RAPGEF6: variants seen among roughly 807,000 people sequenced by gnomAD.
The protein encoded by RAPGEF6 is PDZ domain containing guanine nucleotide exchange factor (GEF) 2.
In RAPGEF6, 56 loss-of-function variants were observed where a neutral mutation model predicts 171.4. That is an observed-to-expected ratio of 0.33 (90% CI 0.26 to 0.41). The LOEUF is 0.41. RAPGEF6 is among the 10% of genes least tolerant of loss of function. The pLI is 1.00. For missense variants in RAPGEF6, 1,674 were observed against 1,921.4 expected (o/e 0.87, Z 2.41); for synonymous variants, 692 against 650.1 (o/e 1.06, Z -0.98).
intron 4 of RAPGEF6, among the ~76,000 whole-genome samples, chr5:131,589,449 G>A (rs929558328): frequency 6.6e-6 from 1 of 152,168 alleles, no homozygotes; most frequent in African/African-American, 2.4e-5. Context: ...ATTTGGGGGA[G>A]AGGGTAAGAA....
chr5:131,624,345 C>T (rs1256833628), intron 1 of RAPGEF6, among the ~76,000 whole-genome samples: 1 of 152,104 alleles, frequency 6.6e-6, no homozygotes, highest in African/African-American at 2.4e-5. Context: ...CTATGCAATG[C>T]ACAGAAACAG....
intron 7 of RAPGEF6, among the ~76,000 whole-genome samples, chr5:131,515,670 G>A (rs1758023719): frequency 6.6e-6 from 1 of 152,158 alleles, no homozygotes; most frequent in Non-Finnish European, 1.5e-5. Context: ...GGATTCCAAG[G>A]AAGGAGACAT....
In RAPGEF6 at chr5:131,467,130, T is replaced by C. The variant is rs1580870233; in HGVS notation, c.2240-2849A>G. Among the ~76,000 whole-genome samples, 3 of 152,262 alleles carry C rather than the reference T, an allele frequency of 2.0e-5. No homozygotes were observed. The East Asian group carries it at 5.8e-4, about 29-fold the overall frequency. ...TTTATTCACAAAGACAGGGTGGGAA[T>C]TTGTACACATTTCATGTTCTCTTCC... On this transcript the variant is annotated intron_variant, in intron 17 of 27. Transcript: ENST00000509018.
At chr5:131,435,400 GAAAAGA>G (rs1751952104) in intron 24 of RAPGEF6, among the ~76,000 whole-genome samples, 1 of 152,102 alleles carries the variant, frequency 6.6e-6, no homozygotes, top group African/African-American at 2.4e-5. Flanking sequence ...CCTTCTTCTT[GAAAAGA>G]AAAAGTCATT....
chr5:131,556,782 T>C (rs1218631014), intron 5 of RAPGEF6, among the ~76,000 whole-genome samples: 1 of 152,218 alleles, frequency 6.6e-6, no homozygotes, highest in Non-Finnish European at 1.5e-5. Flanking sequence ...CTTGATGGCA[T>C]ATTTCACTGG....
intron 4 of RAPGEF6, among the ~76,000 whole-genome samples, chr5:131,568,325 T>C (rs549427061): frequency 2.1e-5 from 2 of 95,768 alleles, no homozygotes; most frequent in Admixed American, 1.2e-4. Flanking sequence ...TTTTTAAATG[T>C]TATTTTTGTT....
chr5:131,462,073 ATTT>A lies in RAPGEF6; in HGVS notation c.2493_2495del (p.Lys831del). The stretch of plus-strand genomic sequence containing the variant: ...AACATAAGGTTTCTGTTTCCATGTT[ATTT>A]TTTAAGTAATACCTAAATGGAAAAA... On this transcript the variant is annotated inframe_deletion, in exon 19 of 28. Coordinates refer to ENST00000509018, the MANE Select transcript of RAPGEF6 (RefSeq NM_016340.6). 1 of 1,543,242 alleles carries A rather than the reference ATTT, an allele frequency of 6.5e-7. No individual in the cohort carries two copies. The highest frequency in any genetic ancestry group is 1.4e-5 in the African/African-American group (1 of 72,566).
chr5:131,523,702 A>G (rs1009711906), intron 6 of RAPGEF6, among the ~76,000 whole-genome samples: 1 of 152,270 alleles, frequency 6.6e-6, no homozygotes, highest in African/African-American at 2.4e-5. Context: ...GCAAGTACAC[A>G]GAAGCAAGAT....
intron 4 of RAPGEF6, among the ~76,000 whole-genome samples, chr5:131,586,630 TAA>T (rs879628697): frequency 6.9e-6 from 1 of 145,480 alleles, no homozygotes; most frequent in Non-Finnish European, 1.5e-5. Context: ...GACTCTATCT[TAA>T]AAAAAAAAAG....
rs766522635 is a variant in RAPGEF6, at chr5:131,464,243, G to A, written c.2278C>T (p.Gln760Ter). The A allele has an allele frequency of 6.2e-6, 10 of 1,612,910 alleles. No individual in the cohort carries two copies. The highest frequency in any genetic ancestry group is 8.5e-6 in the Non-Finnish European group (10 of 1,179,178). ...CTGATGATAATGTAGCAACTTTGCT[G>A]ATCCACTTTGAAAACTCTTATAACT... Reference protein sequence around the residue: ...DQVIRVFKVDQQSCYIIISKD... With the variant: ...DQVIRVFKVD Residue 760 changes from glutamine (Q) to a stop codon, truncating the protein, a stop_gained, in exon 18 of 28, where the codon CAG (glutamine) becomes TAG (stop). Coordinates refer to ENST00000509018, the MANE Select transcript of RAPGEF6 (RefSeq NM_016340.6). LOFTEE classifies it high-confidence loss of function.
chr5:131,625,750 A>C (rs966878698), intron 1 of RAPGEF6, among the ~76,000 whole-genome samples: 1 of 150,330 alleles, frequency 6.7e-6, no homozygotes, highest in East Asian at 2.0e-4. Context: ...CGGGAGGTGG[A>C]GCTTGCAGTC....
intron 1 of RAPGEF6, among the ~76,000 whole-genome samples, chr5:131,618,833 G>T (rs1254329768): frequency 6.6e-6 from 1 of 152,000 alleles, no homozygotes; most frequent in African/African-American, 2.4e-5. Flanking sequence ...AGATGCAGAT[G>T]ATCCTATTTA....
At position 131,479,607 on chromosome 5, in the gene RAPGEF6, T is replaced by G. The variant is rs2149856387; in HGVS notation, c.1987A>C (p.Lys663Gln). The G allele has an allele frequency of 6.2e-7, 1 of 1,614,068 alleles. No homozygotes were observed. The highest frequency in any genetic ancestry group is 2.2e-5 in the East Asian group (1 of 44,848). ...CCTGAAACAGTATTTGCTTTAACTT[T>G]CTTACTTCCTTTCTCCTGTGATGTC... ...EQTSQEKGSK[K>Q]VKANTVSGGR... Residue 663 changes from lysine to glutamine, a missense_variant, in exon 16 of 28, where the codon AAA becomes CAA. Transcript: ENST00000509018.
At chr5:131,451,461 C>G (rs1024353771) in intron 21 of RAPGEF6, among the ~76,000 whole-genome samples, 5 of 151,480 alleles carry the variant, frequency 3.3e-5, no homozygotes, top group Admixed American at 6.6e-5. Flanking sequence ...TGGTGGCATG[C>G]ACCTGTAGCC....
chr5:131,514,526 G>C (rs750961009), intron 7 of RAPGEF6, among the ~76,000 whole-genome samples: 1 of 152,030 alleles, frequency 6.6e-6, no homozygotes, highest in Non-Finnish European at 1.5e-5. Context: ...CCACTATAAA[G>C]AGACTCGATA....
In RAPGEF6 at chr5:131,450,534, G is replaced by T. The variant is rs1019274111; in HGVS notation, c.3200+2520C>A. The stretch of plus-strand genomic sequence containing the variant: ...GCAGAAATTTCTGACAAGATGTCTT[G>T]TAAGAAATGTTGACCAGCAAATCCA... On this transcript the variant is annotated intron_variant, in intron 21 of 27. Transcript: ENST00000509018. Among the ~76,000 whole-genome samples the T allele has an allele frequency of 7.9e-5, 12 of 152,104 alleles. 1 individual carries two copies. Among genetic ancestry groups the T allele is most frequent in the Admixed American group, 2.6e-4 (4 of 15,264 alleles).
At chr5:131,606,559 G>T (rs549238325) in intron 1 of RAPGEF6, among the ~76,000 whole-genome samples, 1 of 152,318 alleles carries the variant, frequency 6.6e-6, no homozygotes, top group African/African-American at 2.4e-5. Context: ...GCAGATAGCA[G>T]ATGAAGCACT....
chr5:131,505,449 A>C lies in RAPGEF6; in HGVS notation c.1016T>G (p.Phe339Cys). 1 of 1,613,646 alleles carries C rather than the reference A, an allele frequency of 6.2e-7. No individual in the cohort carries two copies. The highest frequency in any genetic ancestry group is 8.5e-7 in the Non-Finnish European group (1 of 1,179,716). ...AGTAATTCCAAAACTATTTCCCATA[A>C]ACAAATTTTCAACTTTTCCATCTGG... ...SHPDGKVENL[F>C]MGNSFGITPT... The change falls in exon 10 of 28, where the codon TTT becomes TGT. Residue 339 changes from phenylalanine to cysteine, a missense_variant. Transcript: ENST00000509018.
chr5:131,497,627 T>C (rs1259110924), intron 12 of RAPGEF6, among the ~76,000 whole-genome samples: 1 of 152,224 alleles, frequency 6.6e-6, no homozygotes, highest in African/African-American at 2.4e-5. Flanking sequence ...CTTTATTTTC[T>C]TGGCAACCAA....
Sources: gnomAD v4.1 joint callset for allele counts (sites outside exome capture counted in the v4.1 genomes callset) on GRCh38, gnomAD v4.1.1 for gene constraint, MANE v1.5 for transcripts, NCBI Gene and HGNC (gene_info 2026-07-23, HGNC 2026-07-21) for gene names.